The following GRID1 variants were observed in gnomAD, a reference collection of about 807,000 sequenced individuals.
GRID1 encodes glutamate ionotropic receptor delta type subunit 1.
Under a neutral mutation model 98.0 loss-of-function variants are expected in GRID1, and 28 were observed. That is an observed-to-expected ratio of 0.29 (90% confidence interval 0.21 to 0.39). The LOEUF (loss-of-function observed/expected upper bound fraction) is 0.39. Ranked by LOEUF, GRID1 falls within the 10% of genes least tolerant of loss-of-function variation. The probability of loss-of-function intolerance (pLI) is 1.00; values close to 1 mark genes in which losing one functional copy is unlikely to be tolerated. For missense variants in GRID1, 1,111 were observed against 1,340.5 expected (o/e 0.83, Z 2.67); for synonymous variants, 553 against 538.5 (o/e 1.03, Z -0.37).
At chr10:86,208,202 G>A (rs60328432) in intron 2 of GRID1, among the ~76,000 whole-genome samples, 44,760 of 152,026 alleles carry the variant, frequency 0.29, 7,255 homozygotes, top group Non-Finnish European at 0.38. Context: ...AAGGGCGCTC[G>A]CCTTGCACCT....
intron 4 of GRID1, among the ~76,000 whole-genome samples, chr10:85,992,196 G>C (rs1423777393): frequency 1.3e-5 from 2 of 152,086 alleles, no homozygotes; most frequent in East Asian, 3.9e-4. Flanking sequence ...AGAAGACAAA[G>C]CATGGAAAAG....
chr10:86,134,993 G>A (rs1444725681), intron 4 of GRID1, among the ~76,000 whole-genome samples: 1 of 152,208 alleles, frequency 6.6e-6, no homozygotes, highest in African/African-American at 2.4e-5. Flanking sequence ...GGCACAGGCT[G>A]GGGCTCAGTA....
At chr10:86,186,359 A>C (rs554189558) in intron 3 of GRID1, among the ~76,000 whole-genome samples, 2 of 152,074 alleles carry the variant, frequency 1.3e-5, no homozygotes, top group South Asian at 2.1e-4. Context: ...TTCATGAAAA[A>C]CCACTTTTTG....
At chr10:85,905,192 A>T (rs901112582) in intron 5 of GRID1, among the ~76,000 whole-genome samples, 2 of 152,300 alleles carry the variant, frequency 1.3e-5, no homozygotes, top group Middle Eastern at 3.4e-3. Context: ...GATGCTTATC[A>T]GTAATAATAT....
intron 5 of GRID1, among the ~76,000 whole-genome samples, chr10:85,913,525 C>T (rs1303749059): frequency 1.3e-5 from 2 of 152,216 alleles, no homozygotes; most frequent in Non-Finnish European, 2.9e-5. Flanking sequence ...CATGGTGGCT[C>T]ACGCCTGTAT....
chr10:85,957,913 G>T (rs948868359), intron 4 of GRID1, among the ~76,000 whole-genome samples: 1 of 152,206 alleles, frequency 6.6e-6, no homozygotes, highest in Non-Finnish European at 1.5e-5. Context: ...CACCTATCAA[G>T]GTGAGACAAG....
At chr10:85,826,385 T>C (rs1842820374) in intron 8 of GRID1, among the ~76,000 whole-genome samples, 1 of 151,944 alleles carries the variant, frequency 6.6e-6, no homozygotes, top group Non-Finnish European at 1.5e-5. Flanking sequence ...AATTGTCAGA[T>C]TAGATTTGAT....
At chr10:85,734,918 C>A (rs898714128) in intron 8 of GRID1, among the ~76,000 whole-genome samples, 6 of 152,230 alleles carry the variant, frequency 3.9e-5, no homozygotes, top group African/African-American at 1.4e-4. Flanking sequence ...TGTAGTCACC[C>A]AAGATTAGGA....
chr10:85,816,643 C>T (rs981264331), intron 8 of GRID1, among the ~76,000 whole-genome samples: 14 of 152,114 alleles, frequency 9.2e-5, no homozygotes, highest in South Asian at 4.1e-4. Flanking sequence ...TCTATAAAAC[C>T]GCACACCACA....
At chr10:85,988,176 C>G (rs1842635652) in intron 4 of GRID1, among the ~76,000 whole-genome samples, 1 of 152,126 alleles carries the variant, frequency 6.6e-6, no homozygotes, top group South Asian at 2.1e-4. Flanking sequence ...AGTGACCCCA[C>G]CCCACTCCCC....
intron 4 of GRID1, among the ~76,000 whole-genome samples, chr10:85,949,085 C>T (rs890415924): frequency 2.0e-5 from 3 of 152,100 alleles, no homozygotes; most frequent in Admixed American, 6.5e-5. Flanking sequence ...GAACAGAAGA[C>T]GTGCTTCTCC....
intron 4 of GRID1, among the ~76,000 whole-genome samples, chr10:85,960,638 A>G (rs1205722486): frequency 1.3e-5 from 2 of 152,200 alleles, no homozygotes; most frequent in Non-Finnish European, 2.9e-5. Flanking sequence ...ACTGACCTGT[A>G]TGTCTCTCCC....
chr10:85,780,307 C>A (rs1842369772), intron 8 of GRID1, among the ~76,000 whole-genome samples: 1 of 152,150 alleles, frequency 6.6e-6, no homozygotes, highest in African/African-American at 2.4e-5. Context: ...TCAGAACATG[C>A]CCAGATGCAA....
At chr10:85,613,366 C>T (rs768833653) in intron 15 of GRID1, 41 bp downstream of exon 15, 9 of 1,587,540 alleles carry the variant, frequency 5.7e-6, no homozygotes, top group Non-Finnish European at 6.0e-6. Context: ...ACACTCCTGC[C>T]TCTAGGCTGT....
intron 4 of GRID1, among the ~76,000 whole-genome samples, chr10:86,030,463 C>T (rs188297722): frequency 1.2e-4 from 19 of 152,352 alleles, no homozygotes; most frequent in African/African-American, 4.6e-4. Flanking sequence ...GGAGGCAAAA[C>T]AGTGTTACTA....
At chr10:85,872,137 C>T (rs1340318054) in intron 5 of GRID1, among the ~76,000 whole-genome samples, 2 of 152,026 alleles carry the variant, frequency 1.3e-5, no homozygotes, top group East Asian at 3.9e-4. Flanking sequence ...TGACCAAGGC[C>T]CTGCCCCGAA....
intron 2 of GRID1, among the ~76,000 whole-genome samples, chr10:86,283,095 T>C (rs1847378944): frequency 6.6e-6 from 1 of 152,168 alleles, no homozygotes; most frequent in Non-Finnish European, 1.5e-5. Context: ...TGCCTGTCCA[T>C]GTGCCCTCAT....
intron 8 of GRID1, among the ~76,000 whole-genome samples, chr10:85,764,975 G>C (rs1842183739): frequency 6.6e-6 from 1 of 152,196 alleles, no homozygotes; most frequent in African/African-American, 2.4e-5. Flanking sequence ...CAAGTGGTTA[G>C]ATGGTTTCTT....
At position 85,647,360 on chromosome 10, in the gene GRID1, A is replaced by T; in HGVS notation, c.2035T>A (p.Tyr679Asn). 1 of 1,614,210 alleles carries T rather than the reference A, an allele frequency of 6.2e-7. No individual in the cohort carries two copies. The highest frequency in any genetic ancestry group is 8.5e-7 in the Non-Finnish European group (1 of 1,180,014). The stretch of plus-strand genomic sequence containing the variant: ...ACAGCAGAATCCCGGACAGTGCCAT[A>T]AGACATTTCCACTTGTTTGGACAGG... ...QDLSKQVEMS[Y>N]GTVRDSAVYE... Residue 679 changes from tyrosine (Y) to asparagine (N), a missense_variant, in exon 13 of 16, where the codon TAT becomes AAT. Physicochemically the swap from Tyr to Asn is moderately radical, Grantham distance 143 (BLOSUM62 -2). Coordinates refer to ENST00000327946, the MANE Select transcript of GRID1 (RefSeq NM_017551.3).
Sources: allele counts gnomAD v4.1 joint callset (sites outside exome capture counted in the v4.1 genomes callset), GRCh38; gene constraint gnomAD v4.1.1; transcripts MANE v1.5; gene names NCBI Gene and HGNC (gene_info 2026-07-23, HGNC 2026-07-21).